STK32B: variants seen among roughly 807,000 people sequenced by gnomAD.
The protein encoded by STK32B is serine/threonine kinase 32B, also known as serine/threonine-protein kinase 32B.
Under a neutral mutation model 52.6 loss-of-function variants are expected in STK32B, and 43 were observed. The ratio of observed to expected loss-of-function variants is 0.82; its 90% confidence interval spans 0.64 to 1.05. The LOEUF (loss-of-function observed/expected upper bound fraction) is 1.05, where lower values mean the gene tolerates loss of function less well. STK32B is among the 50% of genes least tolerant of loss of function. The pLI is 0.00. For missense variants in STK32B, 621 were observed against 534.6 expected (o/e 1.16, Z -1.59); for synonymous variants, 238 against 204.3 (o/e 1.17, Z -1.41).
chr4:5,402,331 G>A (rs1737346311), intron 5 of STK32B, among the ~76,000 whole-genome samples: 1 of 152,250 alleles, frequency 6.6e-6, no homozygotes, highest in Admixed American at 6.5e-5. Context: ...ACAGGCCGGT[G>A]GGTTAGTGCT....
intron 8 of STK32B, among the ~76,000 whole-genome samples, 161 bp from the exon 9 acceptor site, chr4:5,459,942 G>A (rs1358425766): frequency 1.3e-5 from 2 of 152,176 alleles, no homozygotes; most frequent in Non-Finnish European, 2.9e-5. Context: ...AGAGATGAGT[G>A]CAGATGGCGC....
At chr4:5,172,058 C>G (rs943258444) in intron 3 of STK32B, among the ~76,000 whole-genome samples, 3 of 151,930 alleles carry the variant, frequency 2.0e-5, no homozygotes, top group Admixed American at 6.6e-5. Flanking sequence ...GTATTTTATT[C>G]TCTTTGAAGC....
chr4:5,327,713 A>T (rs952950394), intron 3 of STK32B, among the ~76,000 whole-genome samples: 2 of 152,152 alleles, frequency 1.3e-5, no homozygotes, highest in East Asian at 1.9e-4. Flanking sequence ...GGTATTTTCA[A>T]AATGGTAAAT....
chr4:5,101,140 C>T (rs1713763593), intron 1 of STK32B, among the ~76,000 whole-genome samples: 1 of 152,212 alleles, frequency 6.6e-6, no homozygotes, highest in Non-Finnish European at 1.5e-5. Context: ...AACTCCTGCC[C>T]TCAAGCAATG....
chr4:5,081,835 A>G (rs1712454408), intron 1 of STK32B, among the ~76,000 whole-genome samples: 1 of 152,170 alleles, frequency 6.6e-6, no homozygotes, highest in Admixed American at 6.5e-5. Context: ...GAGCTTCTTT[A>G]AAAACTATTA....
chr4:5,488,185 C>A (rs914482409), intron 11 of STK32B, among the ~76,000 whole-genome samples: 1 of 152,174 alleles, frequency 6.6e-6, no homozygotes. Flanking sequence ...GTAATCCCAG[C>A]TACTCAGGAG....
intron 3 of STK32B, among the ~76,000 whole-genome samples, chr4:5,275,929 A>G (rs1033328301): frequency 1.3e-5 from 2 of 152,116 alleles, no homozygotes; most frequent in African/African-American, 2.4e-5. Flanking sequence ...GAGACCTACT[A>G]GTAGAGACCC....
chr4:5,457,883 A>AGGCGC (rs1042185065), intron 8 of STK32B, among the ~76,000 whole-genome samples: 2 of 121,866 alleles, frequency 1.6e-5, no homozygotes, highest in African/African-American at 6.2e-5. Context: ...AAGCGAGGCG[A>AGGCGC]GGCGGAAGGG....
intron 3 of STK32B, among the ~76,000 whole-genome samples, chr4:5,222,597 TTCC>T (rs1386528573): frequency 6.6e-6 from 1 of 152,242 alleles, no homozygotes; most frequent in African/African-American, 2.4e-5. Context: ...ATTGTGTCTG[TTCC>T]TTGGGACTTC....
intron 3 of STK32B, among the ~76,000 whole-genome samples, chr4:5,259,905 C>T (rs192236075): frequency 6.6e-6 from 1 of 152,090 alleles, no homozygotes; most frequent in Admixed American, 6.5e-5. Context: ...GGAGAAGATG[C>T]TGTCTGAACA....
At chr4:5,218,290 A>G (rs1234704201) in intron 3 of STK32B, among the ~76,000 whole-genome samples, 1 of 152,240 alleles carries the variant, frequency 6.6e-6, no homozygotes, top group African/African-American at 2.4e-5. Flanking sequence ...GTTTTAAAAG[A>G]TCACTCTGAC....
At chr4:5,379,484 T>A (rs1009271028) in intron 4 of STK32B, among the ~76,000 whole-genome samples, 3 of 152,170 alleles carry the variant, frequency 2.0e-5, no homozygotes, top group Non-Finnish European at 4.4e-5. Context: ...ATAAAAGTCC[T>A]GTGAGAGAGT....
intron 6 of STK32B, among the ~76,000 whole-genome samples, chr4:5,444,565 C>T (rs913590996): frequency 8.5e-5 from 13 of 152,308 alleles, no homozygotes; most frequent in South Asian, 2.1e-4. Flanking sequence ...CCGTCTTCTG[C>T]GTCGCTCACA....
rs753898655 is a variant in STK32B, at chr4:5,378,366, C to T, written c.435-19841C>T. On this transcript the variant is annotated intron_variant, in intron 4 of 11. Coordinates refer to ENST00000282908, the MANE Select transcript of STK32B (RefSeq NM_018401.3). This position sits in a 1 kb window ranked among gnomAD's most constrained non-coding sequence, Gnocchi z 4.4. ...AAAAGGCAGACCAGTAGCCAAGCTC[C>T]TAGAGATTCTGAAGCCCTGTGCCTG... Among the ~76,000 whole-genome samples the T allele has an allele frequency of 6.6e-6, 1 of 152,220 alleles. No homozygotes were observed. The highest frequency in any genetic ancestry group is 1.5e-5 in the Non-Finnish European group (1 of 68,036).
chr4:5,204,267 T>A (rs1342841571), intron 3 of STK32B: 1 of 152,288 alleles, frequency 6.6e-6, no homozygotes, highest in Non-Finnish European at 1.5e-5. Flanking sequence ...ATTCATTTAT[T>A]GAACATGTGT....
chr4:5,457,167 C>T (rs1254433860), intron 8 of STK32B, among the ~76,000 whole-genome samples: 1 of 150,976 alleles, frequency 6.6e-6, no homozygotes, highest in Non-Finnish European at 1.5e-5. Context: ...CACTCTGCTA[C>T]GAGCTCCTAA....
intron 1 of STK32B, among the ~76,000 whole-genome samples, chr4:5,118,701 G>A (rs757186217): frequency 1.3e-5 from 2 of 152,154 alleles, no homozygotes; most frequent in Non-Finnish European, 2.9e-5. Context: ...TTTCCTCTCT[G>A]TCTTCCTGCT....
intron 2 of STK32B, among the ~76,000 whole-genome samples, chr4:5,141,201 C>T (rs764095405): frequency 3.2e-4 from 48 of 152,226 alleles, no homozygotes; most frequent in Non-Finnish European, 6.2e-4. Context: ...ATTGGAAGCT[C>T]AGGTTATGAC....
At chr4:5,024,372 C>T in the STK32B span, among the ~76,000 whole-genome samples, 1 of 152,188 alleles carries the variant, frequency 6.6e-6, no homozygotes, top group Non-Finnish European at 1.5e-5. Flanking sequence ...CTGGTGATTC[C>T]AGTTTGCACT....
Sources: gnomAD v4.1 joint callset for allele counts (sites outside exome capture counted in the v4.1 genomes callset) on GRCh38, gnomAD v4.1.1 for gene constraint, Gnocchi (gnomAD v3.1) non-coding constraint, MANE v1.5 for transcripts, NCBI Gene and HGNC (gene_info 2026-07-23, HGNC 2026-07-21) for gene names.